The following FYB1 variants were observed in gnomAD, a reference collection of about 807,000 sequenced individuals.
FYB1 encodes the protein FYN binding protein 1.
FYB1 carries 41 observed loss-of-function variants against 94.1 expected under a neutral mutation model. That is an observed-to-expected ratio of 0.44 (90% CI 0.34 to 0.57). The LOEUF is 0.57. Among genes scored for constraint, FYB1 ranks in the 20% least tolerant of loss-of-function variants. The probability of loss-of-function intolerance (pLI) is 0.02; values close to 1 mark genes in which losing one functional copy is unlikely to be tolerated. For synonymous variants in FYB1, 367 were observed against 353.2 expected, an observed-to-expected ratio of 1.04 and a Z score of -0.44; for missense variants, 1,050 against 976.8, an observed-to-expected ratio of 1.07 and a Z score of -1.00.
At chr5:39,262,828 C>A (rs969076823) in intron 1 of FYB1, among the ~76,000 whole-genome samples, 17 of 151,600 alleles carry the variant, frequency 1.1e-4, no homozygotes, top group Middle Eastern at 3.4e-3. Flanking sequence ...CTGGGCAAAA[C>A]AATACTATAT....
Position 39,137,676 on chromosome 5 carries a change from T to C in FYB1, c.1439A>G (p.Lys480Arg). 1 of 1,541,998 alleles carries C rather than the reference T, an allele frequency of 6.5e-7. No individual in the cohort carries two copies. Among genetic ancestry groups the C allele is most frequent in the Non-Finnish European group, 8.8e-7 (1 of 1,138,300 alleles). ...CTTTTTCTCCAGCTCTAACCTCTTC[T>C]TTTCTTCCTTTTCCCTTTTCTTCTC... is the stretch of plus-strand genomic sequence containing the variant. Reference protein sequence around the residue: ...EREKKREKEEKKRLELEKKEQ... With the variant: ...EREKKREKEERKRLELEKKEQ... The change falls in exon 7 of 19, where the codon AAG (lysine) becomes AGG (arginine). Residue 480 changes from lysine to arginine, a missense_variant. Coordinates refer to ENST00000512982, the MANE Select transcript of FYB1 (RefSeq NM_001465.6).
chr5:39,127,497 T>A lies in FYB1; in HGVS notation c.1907+244A>T, dbSNP rs140422063. Among the ~76,000 whole-genome samples the A allele has an allele frequency of 6.3e-3, 957 of 151,970 alleles. 12 individuals are homozygous for A. Among genetic ancestry groups the A allele is most frequent in the African/African-American group, 0.022 (897 of 41,430 alleles). On this transcript the variant is annotated intron_variant, in intron 11 of 18. Coordinates refer to ENST00000512982, the MANE Select transcript of FYB1 (RefSeq NM_001465.6). ...AATACACAACACCTGTAATTTATCT[T>A]TTGTTTTCATTTCACTTGTTTTGCT...
Position 39,202,384 on chromosome 5 carries a change from A to T in FYB1, c.577T>A (p.Phe193Ile). The change falls in exon 2 of 19, where the codon TTC (phenylalanine) becomes ATC (isoleucine). Residue 193 changes from phenylalanine (F) to isoleucine (I), a missense_variant. Phe to Ile is a conservative substitution (Grantham distance 21). Coordinates refer to ENST00000512982, the MANE Select transcript of FYB1 (RefSeq NM_001465.6). ...TTCTGGCCAAAGGCGGGTTTGGGGA[A>T]GAGGGGCTTGGGTTCAAGATCTTGT... The part of the protein sequence containing the change: ...ASQDLEPKPL[F>I]PKPAFGQKPP... The T allele has an allele frequency of 6.2e-7, 1 of 1,613,944 alleles. No individual in the cohort carries two copies. Among genetic ancestry groups the T allele is most frequent in the Non-Finnish European group, 8.5e-7 (1 of 1,179,878 alleles).
chr5:39,154,036 G>A (rs540096464), intron 2 of FYB1, among the ~76,000 whole-genome samples: 2 of 152,168 alleles, frequency 1.3e-5, no homozygotes, highest in East Asian at 1.9e-4. Context: ...TCCTCCTGCC[G>A]TGACCTCCCC....
chr5:39,215,596 A>G (rs563152713), intron 1 of FYB1, among the ~76,000 whole-genome samples: 156 of 152,308 alleles, frequency 1.0e-3, no homozygotes, highest in Non-Finnish European at 1.5e-3. Flanking sequence ...TGGTGTATTC[A>G]GAAGCAAACA....
At chr5:39,196,208 C>CTTT (rs5867445) in intron 2 of FYB1, among the ~76,000 whole-genome samples, 8 of 128,290 alleles carry the variant, frequency 6.2e-5, no homozygotes, top group African/African-American at 8.7e-5. Flanking sequence ...ATAATTCTTT[C>CTTT]TTTTTTTTTT....
At chr5:39,135,369 T>A (rs59669300) in intron 7 of FYB1, among the ~76,000 whole-genome samples, 1,639 of 152,374 alleles carry the variant, frequency 0.011, 33 homozygotes, top group African/African-American at 0.037. Flanking sequence ...TTATGGAATA[T>A]GCCAGGATTC....
chr5:39,218,087 C>T (rs573769080), intron 1 of FYB1, among the ~76,000 whole-genome samples: 1 of 152,302 alleles, frequency 6.6e-6, no homozygotes, highest in South Asian at 2.1e-4. Context: ...GAATTTGAAG[C>T]CCAATGGTAG....
intron 1 of FYB1, among the ~76,000 whole-genome samples, chr5:39,255,769 C>G (rs1490593237): frequency 6.6e-6 from 1 of 152,154 alleles, no homozygotes; most frequent in East Asian, 1.9e-4. Context: ...AAGTAGGTAA[C>G]ATAAAAAGCA....
In FYB1 at chr5:39,202,824, C is replaced by A; in HGVS notation, c.137G>T (p.Ser46Ile). 6 of 1,613,938 alleles carry A rather than the reference C, an allele frequency of 3.7e-6. No individual in the cohort carries two copies. The highest frequency in any genetic ancestry group is 5.1e-6 in the Non-Finnish European group (6 of 1,179,872). ...TACATTGCTGGGTCCTGCAGGAGGGCTGGCATTTCCTTGGTTGTTGAATAA... is the reference window on the plus strand; with the variant it reads ...TACATTGCTGGGTCCTGCAGGAGGGATGGCATTTCCTTGGTTGTTGAATAA... Reference protein sequence around the residue: ...KNLFNNQGNASPPAGPSNVPK... With the variant: ...KNLFNNQGNAIPPAGPSNVPK... The change falls in exon 2 of 19, where the codon AGC becomes ATC. Residue 46 changes from serine (S) to isoleucine (I), a missense_variant. Ser to Ile is a moderately radical substitution (Grantham distance 142, BLOSUM62 -2). Transcript: ENST00000512982.
chr5:39,240,780 A>G (rs559892022), intron 1 of FYB1, among the ~76,000 whole-genome samples: 1 of 152,246 alleles, frequency 6.6e-6, no homozygotes, highest in East Asian at 1.9e-4. Flanking sequence ...CAAAGAACTT[A>G]AAACAGAAGT....
chr5:39,198,521 G>A (rs992949077), intron 2 of FYB1, among the ~76,000 whole-genome samples: 2 of 152,222 alleles, frequency 1.3e-5, no homozygotes, highest in East Asian at 3.9e-4. Context: ...TACACAGATG[G>A]TGCCCTATTT....
rs571327686 is a variant in FYB1, at chr5:39,157,242, A to C, written c.1136-3638T>G. On this transcript the variant is annotated intron_variant, in intron 2 of 18. Coordinates refer to ENST00000512982, the MANE Select transcript of FYB1 (RefSeq NM_001465.6). ...TACTGCTTCTCAAGGTAATTAAATG[A>C]AAATTATTACTAAGCTAAAATAGAC... 9.2e-5 allele frequency among the ~76,000 whole-genome samples: 14 copies of C among 152,290 alleles called. No individual in the cohort carries two copies. The South Asian group carries it at 1.7e-3, about 18-fold the overall frequency.
At chr5:39,122,161 A>G (rs1740179452) in intron 14 of FYB1, among the ~76,000 whole-genome samples, 175 bp downstream of exon 14, 4 of 152,106 alleles carry the variant, frequency 2.6e-5, no homozygotes, top group Admixed American at 2.6e-4. Context: ...TCTACTCACA[A>G]ACCTCGCAGG....
chr5:39,205,519 G>A (rs1444455451), intron 1 of FYB1, among the ~76,000 whole-genome samples: 1 of 152,174 alleles, frequency 6.6e-6, no homozygotes, highest in Non-Finnish European at 1.5e-5. Flanking sequence ...CATCGGTGAG[G>A]AAATGGAAAG....
At chr5:39,132,644 T>C (rs750861016) in intron 9 of FYB1, among the ~76,000 whole-genome samples, 11 of 152,344 alleles carry the variant, frequency 7.2e-5, no homozygotes, top group South Asian at 6.2e-4. Context: ...TTGGGAAATA[T>C]TCACCCAATA....
chr5:39,116,433 T>C (rs1286530376), intron 16 of FYB1, among the ~76,000 whole-genome samples: 5 of 152,246 alleles, frequency 3.3e-5, no homozygotes, highest in African/African-American at 1.2e-4. Flanking sequence ...AAACTCTTGA[T>C]TGTAATCTAT....
At chr5:39,231,606 G>C (rs566701337) in intron 1 of FYB1, among the ~76,000 whole-genome samples, 2 of 152,156 alleles carry the variant, frequency 1.3e-5, no homozygotes, top group Admixed American at 1.3e-4. Flanking sequence ...GCTACTCGAA[G>C]AATGGGTAGG....
intron 2 of FYB1, among the ~76,000 whole-genome samples, chr5:39,201,198 A>C (rs1748285797): frequency 6.6e-6 from 1 of 152,206 alleles, no homozygotes; most frequent in Non-Finnish European, 1.5e-5. Flanking sequence ...AACATGATGA[A>C]TTGTGTGGAT....
Sources: allele counts gnomAD v4.1 joint callset (sites outside exome capture counted in the v4.1 genomes callset), GRCh38; gene constraint gnomAD v4.1.1; transcripts MANE v1.5; gene names NCBI Gene and HGNC (gene_info 2026-07-23, HGNC 2026-07-21).